The following FAM168A variants were observed in gnomAD, a reference collection of about 807,000 sequenced individuals.
FAM168A encodes the protein family with sequence similarity 168 member A, also known as protein FAM168A.
FAM168A carries 3 observed loss-of-function variants against 28.5 expected under a neutral mutation model. The observed-to-expected ratio is 0.11, with a 90% CI of 0.05 to 0.27. The LOEUF is 0.27. Among genes scored for constraint, FAM168A ranks in the 10% least tolerant of loss-of-function variants. The pLI is 1.00. For missense variants in FAM168A, 222 were observed against 311.5 expected, an observed-to-expected ratio of 0.71 and a Z score of 2.16; for synonymous variants, 122 against 124.2, an observed-to-expected ratio of 0.98 and a Z score of 0.12.
intron 1 of FAM168A, among the ~76,000 whole-genome samples, chr11:73,563,258 TAACTC>T (rs1294179840): frequency 6.6e-6 from 1 of 152,208 alleles, no homozygotes; most frequent in Non-Finnish European, 1.5e-5. Flanking sequence ...TTTTCCATCA[TAACTC>T]AACCAACAAT....
At chr11:73,538,835 GAGGCAA>G (rs1188852158) in intron 1 of FAM168A, among the ~76,000 whole-genome samples, 2 of 152,196 alleles carry the variant, frequency 1.3e-5, no homozygotes, top group Non-Finnish European at 2.9e-5. Context: ...AGGAGGGGCT[GAGGCAA>G]AGACTCAGAC....
chr11:73,560,167 G>A (rs1012099137), intron 1 of FAM168A, among the ~76,000 whole-genome samples: 1 of 151,810 alleles, frequency 6.6e-6, no homozygotes, highest in Non-Finnish European at 1.5e-5. Context: ...GGACTCAAGC[G>A]ATCCTCCCAG....
chr11:73,579,127 T>C (rs1424224050), intron 1 of FAM168A, among the ~76,000 whole-genome samples: 3 of 152,104 alleles, frequency 2.0e-5, no homozygotes, highest in Admixed American at 6.6e-5. Context: ...CAGGCACTTA[T>C]AGAGCTCCAT....
intron 2 of FAM168A, among the ~76,000 whole-genome samples, chr11:73,458,697 G>A (rs971502311): frequency 4.0e-5 from 6 of 151,372 alleles, no homozygotes; most frequent in Non-Finnish European, 5.9e-5. Flanking sequence ...TGCAACCTCC[G>A]CCTCCCGGAT....
intron 1 of FAM168A, among the ~76,000 whole-genome samples, chr11:73,520,746 T>C (rs1041859815): frequency 1.3e-5 from 2 of 152,082 alleles, no homozygotes; most frequent in African/African-American, 4.8e-5. Flanking sequence ...CCTTTATATA[T>C]TCAGAACATC....
intron 1 of FAM168A, among the ~76,000 whole-genome samples, chr11:73,501,175 A>G (rs1855004412): frequency 1.3e-5 from 2 of 152,214 alleles, no homozygotes; most frequent in Admixed American, 6.5e-5. Context: ...CCAATACAGG[A>G]GCACCCAAAT....
chr11:73,539,545 G>T (rs1359763112), intron 1 of FAM168A, among the ~76,000 whole-genome samples: 1 of 152,096 alleles, frequency 6.6e-6, no homozygotes, highest in Non-Finnish European at 1.5e-5. Context: ...GGGATTGCAG[G>T]TGTGAGCCAT....
At chr11:73,544,253 T>C (rs1943695951) in intron 1 of FAM168A, among the ~76,000 whole-genome samples, 1 of 152,110 alleles carries the variant, frequency 6.6e-6, no homozygotes, top group African/African-American at 2.4e-5. Flanking sequence ...ATTGAGTAGG[T>C]TGGCTAAAAG....
At chr11:73,516,099 TTAAA>T (rs1482208196) in intron 1 of FAM168A, among the ~76,000 whole-genome samples, 2 of 121,532 alleles carry the variant, frequency 1.6e-5, no homozygotes, top group Non-Finnish European at 1.8e-5. Flanking sequence ...GACTCTGCCT[TTAAA>T]AAAAAAAAAA....
intron 1 of FAM168A, among the ~76,000 whole-genome samples, chr11:73,536,175 G>A (rs1275072345): frequency 3.9e-5 from 6 of 152,126 alleles, no homozygotes. Context: ...CAGCTTTTTA[G>A]TATTCCACTT....
At chr11:73,564,615 C>T (rs1455384387) in intron 1 of FAM168A, among the ~76,000 whole-genome samples, 5 of 151,612 alleles carry the variant, frequency 3.3e-5, no homozygotes, top group East Asian at 1.9e-4. Context: ...TGGTGTCGGG[C>T]GCCCGTAGTC....
rs1280548199 is a variant in FAM168A, at chr11:73,409,566, G to A, written c.516C>T (p.Tyr172=). 3 of 1,614,068 alleles carry A rather than the reference G, an allele frequency of 1.9e-6. No homozygotes were observed. The highest frequency in any genetic ancestry group is 2.5e-6 in the Non-Finnish European group (3 of 1,179,958). The change falls in exon 6 of 8, where the codon TAC becomes TAT. Residue 172 remains tyrosine (Y), a synonymous_variant. Transcript: ENST00000356467. The part of the protein sequence containing the change: ...VQPNSIPSAI[Y]PAPVAAPRTN... ...TCCTCGGGGCGGCAACAGGTGCTGG[G>A]TAGATAGCAGAGGGAATGCTGTTGG... is the stretch of plus-strand genomic sequence containing the variant.
chr11:73,560,754 G>C (rs1386041231), intron 1 of FAM168A, among the ~76,000 whole-genome samples: 1 of 152,150 alleles, frequency 6.6e-6, no homozygotes, highest in Admixed American at 6.6e-5. Flanking sequence ...AAAATAATTT[G>C]GCAGTTTCTT....
At chr11:73,534,104 A>G (rs1398843866) in intron 1 of FAM168A, among the ~76,000 whole-genome samples, 1 of 152,232 alleles carries the variant, frequency 6.6e-6, no homozygotes, top group Non-Finnish European at 1.5e-5. Context: ...TGATACAGAC[A>G]TCTTCATAGA....
chr11:73,544,222 CA>C (rs1943695473), intron 1 of FAM168A, among the ~76,000 whole-genome samples: 1 of 152,074 alleles, frequency 6.6e-6, no homozygotes, highest in African/African-American at 2.4e-5. Context: ...CACATCAAAC[CA>C]AAATGATATA....
At chr11:73,423,969 C>T (rs1176592172) in intron 3 of FAM168A, among the ~76,000 whole-genome samples, 1 of 152,194 alleles carries the variant, frequency 6.6e-6, no homozygotes, top group East Asian at 1.9e-4. Context: ...TTTATGCACC[C>T]TTCTGTCCAG....
Position 73,482,181 on chromosome 11 carries a change from CTTTTTTT to C in FAM168A, c.-18-13696_-18-13690del, listed in dbSNP as rs55882143. Among the ~76,000 whole-genome samples, 104 of 77,560 alleles carry C rather than the reference CTTTTTTT, an allele frequency of 1.3e-3. 1 individual carries two copies. Among genetic ancestry groups the C allele is most frequent in the African/African-American group, 4.4e-3 (94 of 21,404 alleles). The allele number at this position is 77,560 out of a possible 152,430, so 50.9% of individuals were successfully genotyped here. The stretch of plus-strand genomic sequence containing the variant: ...ATACACAAAGACAACATCCAACAGC[CTTTTTTT>C]TTTTTTTTTTTTTTTTTTAAAGGGG... On this transcript the variant is annotated intron_variant, in intron 1 of 7. Transcript: ENST00000356467.
intron 1 of FAM168A, among the ~76,000 whole-genome samples, chr11:73,494,667 C>A (rs1418304750): frequency 6.6e-6 from 1 of 152,104 alleles, no homozygotes; most frequent in African/African-American, 2.4e-5. Flanking sequence ...GAGGTAGATT[C>A]CTAGCAGCAC....
rs1268958482 is a variant in FAM168A, at chr11:73,402,955, C to T, written c.*3808G>A. The T allele has an allele frequency of 1.3e-5, 2 of 152,218 alleles. No homozygotes were observed. The highest frequency in any genetic ancestry group is 4.8e-5 in the African/African-American group (2 of 41,440). 9.4% of individuals were successfully genotyped at this position (152,218 alleles called of 1,614,324 possible). On this transcript the variant is annotated 3_prime_UTR_variant, in exon 8 of 8. Transcript: ENST00000356467. ...CAGTTAGCCCCTCCCTCCATGCTTGCCAAGAGACCCAGCAGGTGGCAGCAG... is the reference window on the plus strand; with the variant it reads ...CAGTTAGCCCCTCCCTCCATGCTTGTCAAGAGACCCAGCAGGTGGCAGCAG...
Sources: gnomAD v4.1 joint callset for allele counts (sites outside exome capture counted in the v4.1 genomes callset) on GRCh38, gnomAD v4.1.1 for gene constraint, MANE v1.5 for transcripts, NCBI Gene and HGNC (gene_info 2026-07-23, HGNC 2026-07-21) for gene names.